Variants in SNX10 observed in about 807,000 individuals in gnomAD.
SNX10 encodes the protein sorting nexin-10.
SNX10 carries 25 observed loss-of-function variants against 28.5 expected under a neutral mutation model. The observed-to-expected ratio is 0.88, with a 90% CI of 0.64 to 1.22. SNX10 has a LOEUF of 1.22. Among genes scored for constraint, SNX10 ranks in the 50% most tolerant of loss-of-function variants. The pLI is 0.00. For missense variants in SNX10, 223 were observed against 242.6 expected, an observed-to-expected ratio of 0.92 and a Z score of 0.54; for synonymous variants, 62 against 81.4, an observed-to-expected ratio of 0.76 and a Z score of 1.28.
At chr7:26,342,884 G>A (rs895984359) in intron 1 of SNX10, among the ~76,000 whole-genome samples, 6 of 152,050 alleles carry the variant, frequency 3.9e-5, no homozygotes, top group African/African-American at 9.7e-5. Flanking sequence ...ATGGCTCACC[G>A]CAGCGTTGAC....
At chr7:26,362,849 TC>T (rs1236271005) in intron 3 of SNX10, among the ~76,000 whole-genome samples, 1 of 152,182 alleles carries the variant, frequency 6.6e-6, no homozygotes, top group East Asian at 1.9e-4. Flanking sequence ...TCATAAATAC[TC>T]CCCTGAACCT....
At chr7:26,362,878 C>T (rs1789134708) in intron 3 of SNX10, among the ~76,000 whole-genome samples, 1 of 152,170 alleles carries the variant, frequency 6.6e-6, no homozygotes, top group East Asian at 1.9e-4. Context: ...AAATGAAGGA[C>T]TTATGGATCG....
At chr7:26,325,246 T>TA (rs1435596732) in intron 1 of SNX10, among the ~76,000 whole-genome samples, 1 of 146,968 alleles carries the variant, frequency 6.8e-6, no homozygotes, top group Admixed American at 6.9e-5. Context: ...AAAGCAATGT[T>TA]ACAGTTAAAG....
intron 1 of SNX10, among the ~76,000 whole-genome samples, chr7:26,333,867 A>G (rs570625826): frequency 2.0e-4 from 30 of 152,192 alleles, no homozygotes; most frequent in Non-Finnish European, 3.8e-4. Flanking sequence ...CCAGCTACCA[A>G]TGATTTCCCC....
At chr7:26,304,991 G>T (rs1434577749) in intron 1 of SNX10, among the ~76,000 whole-genome samples, 1 of 152,126 alleles carries the variant, frequency 6.6e-6, no homozygotes, top group Non-Finnish European at 1.5e-5. Context: ...CCTGGAGGAG[G>T]GGGTGGATGG....
chr7:26,305,983 C>T (rs1786574802), intron 1 of SNX10, among the ~76,000 whole-genome samples: 1 of 152,196 alleles, frequency 6.6e-6, no homozygotes, highest in African/African-American at 2.4e-5. Context: ...CAACCTCTGC[C>T]TCCCAGGGTT....
intron 1 of SNX10, among the ~76,000 whole-genome samples, chr7:26,303,114 G>T (rs555338963): frequency 3.3e-5 from 5 of 152,188 alleles, no homozygotes; most frequent in African/African-American, 1.2e-4. Context: ...CTTCAACTCT[G>T]TTGGTGGCAG....
chr7:26,328,920 A>G (rs1333326478), intron 1 of SNX10, among the ~76,000 whole-genome samples: 1 of 152,136 alleles, frequency 6.6e-6, no homozygotes, highest in Non-Finnish European at 1.5e-5. Flanking sequence ...AGCATAAGTG[A>G]GGAAACACGC....
rs368277002 is a variant in SNX10, at chr7:26,324,672, A to G, written c.-23-21748A>G. Among the ~76,000 whole-genome samples, 10 of 152,028 alleles carry G rather than the reference A, an allele frequency of 6.6e-5. No individual in the cohort carries two copies. In the East Asian group the frequency reaches 9.6e-4, roughly 15 times the overall value. On this transcript the variant is annotated intron_variant, in intron 1 of 6. Transcript: ENST00000338523. ...CACTGTGCCTGGCCTCAATCATAGCACTTCCAAGCACCGTTCAAATGACTG... is the reference window on the plus strand; with the variant it reads ...CACTGTGCCTGGCCTCAATCATAGCGCTTCCAAGCACCGTTCAAATGACTG...
chr7:26,359,635 A>C lies in SNX10; in HGVS notation c.25-1340A>C, dbSNP rs1788984935. Among the ~76,000 whole-genome samples the C allele has an allele frequency of 2.0e-5, 3 of 152,288 alleles. No individual in the cohort carries two copies. In the South Asian group the frequency reaches 6.2e-4, roughly 32 times the overall value. ...TCAAATTTTTAAACTAAACCTATTT[A>C]GTAAAGAGCACCTGTTAAAAAGTAT... is the stretch of plus-strand genomic sequence containing the variant. On this transcript the variant is annotated intron_variant, in intron 2 of 6. Coordinates refer to ENST00000338523, the MANE Select transcript of SNX10 (RefSeq NM_013322.3).
At chr7:26,346,335 G>A (rs1788385417) in intron 1 of SNX10, 85 bp from the exon 2 acceptor site, 1 of 842,530 alleles carries the variant, frequency 1.2e-6, no homozygotes, top group African/African-American at 1.7e-5. Flanking sequence ...GCTCTGTCAG[G>A]GGATTTGGGT....
intron 1 of SNX10, among the ~76,000 whole-genome samples, chr7:26,317,924 G>A (rs1389592467): frequency 6.6e-6 from 1 of 152,100 alleles, no homozygotes; most frequent in East Asian, 1.9e-4. Context: ...GCCTCTCAAA[G>A]TGCTGGGATT....
intron 1 of SNX10, among the ~76,000 whole-genome samples, chr7:26,344,035 G>A (rs1174738460): frequency 6.6e-6 from 1 of 152,106 alleles, no homozygotes; most frequent in Non-Finnish European, 1.5e-5. Context: ...TCAGTGGTGT[G>A]AAGGATGTTC....
chr7:26,319,789 C>T (rs1018709135), intron 1 of SNX10, among the ~76,000 whole-genome samples: 6 of 151,850 alleles, frequency 4.0e-5, no homozygotes, highest in Non-Finnish European at 5.9e-5. Flanking sequence ...CTAGCTAAGG[C>T]GGGGGGGAAA....
chr7:26,352,610 A>G (rs1478609275), intron 2 of SNX10, among the ~76,000 whole-genome samples: 1 of 152,238 alleles, frequency 6.6e-6, no homozygotes, highest in East Asian at 1.9e-4. Flanking sequence ...TCTAGATATT[A>G]TATAATTTCA....
chr7:26,311,710 A>G (rs868159750), intron 1 of SNX10, among the ~76,000 whole-genome samples: 2 of 152,194 alleles, frequency 1.3e-5, no homozygotes, highest in East Asian at 1.9e-4. Context: ...AATTCTGTCA[A>G]TTGATGAGAA....
At chr7:26,302,331 G>A (rs1786402038) in intron 1 of SNX10, among the ~76,000 whole-genome samples, 1 of 152,140 alleles carries the variant, frequency 6.6e-6, no homozygotes, top group Non-Finnish European at 1.5e-5. Context: ...TAGGGCACTT[G>A]CCCTGACGTG....
chr7:26,340,852 C>A (rs1788154001), intron 1 of SNX10, among the ~76,000 whole-genome samples: 1 of 152,162 alleles, frequency 6.6e-6, no homozygotes, highest in Non-Finnish European at 1.5e-5. Flanking sequence ...GCAGCCTAAC[C>A]TCCTGGGCTG....
At chr7:26,368,889 A>G (rs551227776) in intron 5 of SNX10, among the ~76,000 whole-genome samples, 1 of 152,076 alleles carries the variant, frequency 6.6e-6, no homozygotes, top group South Asian at 2.1e-4. Flanking sequence ...TATATATATC[A>G]TTGTATTGGG....
Sources: allele counts gnomAD v4.1 joint callset (sites outside exome capture counted in the v4.1 genomes callset), GRCh38; gene constraint gnomAD v4.1.1; transcripts MANE v1.5; gene names NCBI Gene and HGNC (gene_info 2026-07-23, HGNC 2026-07-21).